TCF12: variants seen among roughly 807,000 people sequenced by gnomAD.
TCF12 encodes transcription factor 12.
Under a neutral mutation model 86.0 loss-of-function variants are expected in TCF12, and 45 were observed. The observed-to-expected ratio is 0.52, with a 90% CI of 0.41 to 0.67. The LOEUF (loss-of-function observed/expected upper bound fraction) is 0.67. Among genes scored for constraint, TCF12 ranks in the 30% least tolerant of loss-of-function variants. The pLI, the probability that TCF12 is intolerant of heterozygous loss-of-function variation, is 0.00. For missense variants in TCF12, 881 were observed against 859.9 expected, an observed-to-expected ratio of 1.02 and a Z score of -0.31; for synonymous variants, 330 against 299.6, an observed-to-expected ratio of 1.10 and a Z score of -1.05.
chr15:57,148,267 C>T (rs2045256873), intron 5 of TCF12, among the ~76,000 whole-genome samples: 1 of 151,726 alleles, frequency 6.6e-6, no homozygotes, highest in African/African-American at 2.4e-5. Context: ...TCAGAGAACC[C>T]TTCTCTGAGG....
chr15:56,954,309 A>G (rs932819423), intron 3 of TCF12, among the ~76,000 whole-genome samples: 9 of 152,194 alleles, frequency 5.9e-5, no homozygotes, highest in Non-Finnish European at 1.2e-4. Flanking sequence ...GACAAAAACA[A>G]GAAATGGGGA....
chr15:57,192,357 CT>C, intron 7 of TCF12, 64 bp downstream of exon 7: 1 of 1,547,878 alleles, frequency 6.5e-7, no homozygotes, highest in Non-Finnish European at 8.7e-7. Flanking sequence ...CTCCCATAAT[CT>C]GTACTTCTGG....
chr15:57,125,273 T>A (rs2169466), intron 5 of TCF12, among the ~76,000 whole-genome samples: 67,174 of 152,056 alleles, frequency 0.44, 16,356 homozygotes, highest in Admixed American at 0.54. Flanking sequence ...CTTTATCCAG[T>A]GGTAAGGTCT....
intron 8 of TCF12, among the ~76,000 whole-genome samples, chr15:57,214,621 A>G (rs1283873589): frequency 1.3e-5 from 2 of 152,188 alleles, no homozygotes; most frequent in African/African-American, 4.8e-5. Context: ...TCTGAGACAG[A>G]CGCTATTTTA....
chr15:56,961,025 T>G (rs111623057), intron 3 of TCF12, among the ~76,000 whole-genome samples: 1 of 149,894 alleles, frequency 6.7e-6, no homozygotes, highest in African/African-American at 2.5e-5. Flanking sequence ...CTGTAATCCC[T>G]GCTACTTGGG....
chr15:57,112,873 A>T (rs999963910), intron 5 of TCF12, among the ~76,000 whole-genome samples: 1 of 152,260 alleles, frequency 6.6e-6, no homozygotes, highest in African/African-American at 2.4e-5. Context: ...ATATTAAGCT[A>T]TAGTAATATA....
chr15:57,174,674 G>A (rs2055778444), intron 6 of TCF12, among the ~76,000 whole-genome samples: 1 of 152,164 alleles, frequency 6.6e-6, no homozygotes. Context: ...AGTACTTTTA[G>A]CTATATCACA....
intron 3 of TCF12, among the ~76,000 whole-genome samples, chr15:56,962,120 G>A (rs1057405577): frequency 4.5e-5 from 6 of 134,540 alleles, no homozygotes; most frequent in Admixed American, 2.4e-4. Flanking sequence ...GTGACAGAGC[G>A]AGACTCCGTC....
At chr15:56,927,625 GATAA>G (rs2060073162) in intron 3 of TCF12, among the ~76,000 whole-genome samples, 1 of 152,134 alleles carries the variant, frequency 6.6e-6, no homozygotes, top group Non-Finnish European at 1.5e-5. Flanking sequence ...TTTTTGATAT[GATAA>G]ATAATGTGGT....
chr15:56,936,350 G>T (rs1487879241), intron 3 of TCF12, among the ~76,000 whole-genome samples: 1 of 151,984 alleles, frequency 6.6e-6, no homozygotes, highest in Non-Finnish European at 1.5e-5. Context: ...TTGCTAATTT[G>T]TTTGAGTTCC....
chr15:56,995,845 G>A (rs1205984729), intron 3 of TCF12, among the ~76,000 whole-genome samples: 18 of 152,160 alleles, frequency 1.2e-4, no homozygotes, highest in African/African-American at 4.3e-4. Context: ...GAAGTGCTAA[G>A]AGAGGCATCC....
chr15:57,124,865 T>C (rs1426979677), intron 5 of TCF12, among the ~76,000 whole-genome samples: 4 of 101,310 alleles, frequency 3.9e-5, no homozygotes, highest in Non-Finnish European at 6.0e-5. Context: ...GTATTTTTAG[T>C]AGAGATGGCG....
At chr15:56,978,415 T>G (rs1440504729) in intron 3 of TCF12, among the ~76,000 whole-genome samples, 1 of 152,076 alleles carries the variant, frequency 6.6e-6, no homozygotes, top group African/African-American at 2.4e-5. Context: ...AAGTTCAGAG[T>G]TAGTGAAAAT....
intron 12 of TCF12, among the ~76,000 whole-genome samples, chr15:57,234,877 T>C (rs1255845598): frequency 6.6e-6 from 1 of 152,218 alleles, no homozygotes; most frequent in Non-Finnish European, 1.5e-5. Context: ...CTGAGTAGTA[T>C]GCCTCTTAGA....
intron 12 of TCF12, among the ~76,000 whole-genome samples, chr15:57,241,654 T>G (rs1308030034): frequency 7.9e-5 from 12 of 152,168 alleles, no homozygotes; most frequent in Non-Finnish European, 1.8e-4. Context: ...CAAAGGAAGG[T>G]AGACTTTGGG....
At chr15:57,207,174 A>G (rs1024594498) in intron 8 of TCF12, among the ~76,000 whole-genome samples, 17 of 152,180 alleles carry the variant, frequency 1.1e-4, no homozygotes, top group Admixed American at 4.6e-4. Context: ...ATCGGTTCCA[A>G]CCCAAGTGTG....
chr15:57,251,930 T>C (rs936797494), intron 14 of TCF12, among the ~76,000 whole-genome samples: 1 of 152,326 alleles, frequency 6.6e-6, no homozygotes, highest in East Asian at 1.9e-4. Context: ...TTGTGCAAAT[T>C]ATACAAGCAA....
Position 57,248,690 on chromosome 15 carries a change from G to A in TCF12, c.1115-2660G>A, listed in dbSNP as rs539781435. 2.0e-5 allele frequency among the ~76,000 whole-genome samples: 3 copies of A among 152,336 alleles called. No homozygotes were observed. In the East Asian group the frequency reaches 5.8e-4, roughly 29 times the overall value. On this transcript the variant is annotated intron_variant, in intron 13 of 20. Transcript: ENST00000333725. Reference sequence around the variant, plus strand: ...TGACTTCAGCATGCTTTAACAAAGTGCGTTACACTGGAACGGGCCAGTCTG... The same window carrying A: ...TGACTTCAGCATGCTTTAACAAAGTACGTTACACTGGAACGGGCCAGTCTG...
intron 3 of TCF12, among the ~76,000 whole-genome samples, chr15:57,017,344 G>A (rs529504176): frequency 1.3e-5 from 2 of 152,280 alleles, no homozygotes; most frequent in African/African-American, 4.8e-5. Flanking sequence ...ACAAGTTATC[G>A]CCCTTGAGAC....
Sources: allele counts gnomAD v4.1 joint callset (sites outside exome capture counted in the v4.1 genomes callset), GRCh38; gene constraint gnomAD v4.1.1; transcripts MANE v1.5; gene names NCBI Gene and HGNC (gene_info 2026-07-23, HGNC 2026-07-21).